The following EDDM13 variants were observed in gnomAD, a reference collection of about 807,000 sequenced individuals.
The protein encoded by EDDM13 is epididymal protein 13.
EDDM13 carries 24 observed loss-of-function variants against 17.8 expected under a neutral mutation model. The observed-to-expected ratio is 1.35, with a 90% CI of 0.98 to 1.90. EDDM13 has a LOEUF of 1.90. EDDM13 is among the 40% of genes most tolerant of loss of function. The probability of loss-of-function intolerance (pLI) is 0.00; values close to 1 mark genes in which losing one functional copy is unlikely to be tolerated. For missense variants in EDDM13, 97 were observed against 100.8 expected, an observed-to-expected ratio of 0.96 and a Z score of 0.16; for synonymous variants, 31 against 37.5, an observed-to-expected ratio of 0.83 and a Z score of 0.63.
At chr19:56,302,890 G>A in intron 13 of EDDM13, 2 of 398,648 alleles carry the variant, frequency 5.0e-6, no homozygotes, top group Non-Finnish European at 8.8e-6. Context: ...GGACTCTGAT[G>A]GTTGAGCTAC....
intron 13 of EDDM13, among the ~76,000 whole-genome samples, chr19:56,302,482 TCCCA>T (rs2040325955): frequency 7.6e-6 from 1 of 132,010 alleles, no homozygotes; most frequent in Non-Finnish European, 1.6e-5. Flanking sequence ...CCTTCTTCCT[TCCCA>T]TCCTTCTTCC....
intron 6 of EDDM13, among the ~76,000 whole-genome samples, 175 bp from the exon 7 acceptor site, chr19:56,288,210 G>A (rs1012166007): frequency 7.2e-5 from 11 of 152,168 alleles, no homozygotes; most frequent in Non-Finnish European, 1.2e-4. Flanking sequence ...CTCCAGCCAC[G>A]TCTTGTACCA....
At chr19:56,301,682 C>T (rs1469338803) in intron 12 of EDDM13, among the ~76,000 whole-genome samples, 1 of 152,106 alleles carries the variant, frequency 6.6e-6, no homozygotes, top group Non-Finnish European at 1.5e-5. Flanking sequence ...GGTTCAAACC[C>T]CTCTGACAGT....
At position 56,301,992 on chromosome 19, in the gene EDDM13, C is replaced by G. The variant is rs1490309559; in HGVS notation, c.320C>G (p.Pro107Arg). 8.1e-7 allele frequency: 1 copy of G among 1,232,002 alleles called. No individual in the cohort carries two copies. Among genetic ancestry groups the G allele is most frequent in the East Asian group, 3.2e-5 (1 of 31,708 alleles). The allele number at this position is 1,232,002 out of a possible 1,614,324, so 76.3% of individuals were successfully genotyped here. A position where few individuals can be genotyped will look rare whatever the true frequency, so the allele number is the denominator to read the frequency against. Residue 107 changes from proline to arginine, a missense_variant, in exon 13 of 15, where the codon CCA becomes CGA. Pro to Arg is a moderately radical substitution (Grantham distance 103, BLOSUM62 -2). Coordinates refer to ENST00000649256, the MANE Select transcript of EDDM13 (RefSeq NM_001354658.2). ...GTTAAACCCTTCTCAGGCACCACCC[C>G]ATCCAGGAAACCACTCCCCAAGAGG... ...EEVKPFSGTT[P>R]SRKPLPKRKN...
intron 13 of EDDM13, among the ~76,000 whole-genome samples, chr19:56,304,441 G>C (rs1034754759): frequency 6.6e-6 from 1 of 152,224 alleles, no homozygotes; most frequent in African/African-American, 2.4e-5. Context: ...AGTGGGCAGA[G>C]GCCAGGGAGG....
chr19:56,288,938 C>T (rs1487241711), intron 8 of EDDM13, among the ~76,000 whole-genome samples, 47 bp downstream of exon 8: 1 of 152,134 alleles, frequency 6.6e-6, no homozygotes, highest in Non-Finnish European at 1.5e-5. Flanking sequence ...TTCTCATAAC[C>T]ACCGCTGGGC....
At chr19:56,300,160 A>G (rs1349484389) in intron 12 of EDDM13, among the ~76,000 whole-genome samples, 3 of 152,240 alleles carry the variant, frequency 2.0e-5, no homozygotes, top group Non-Finnish European at 4.4e-5. Context: ...TAGAAGAGAA[A>G]GAAAATAGTT....
At chr19:56,297,644 G>C in intron 12 of EDDM13, 113 bp downstream of exon 12, 3 of 568,378 alleles carry the variant, frequency 5.3e-6, no homozygotes, top group Non-Finnish European at 4.4e-6. Flanking sequence ...CCCTGCAGGG[G>C]CTTTGGTACC....
chr19:56,308,560 G>A (rs2040846885), intron 14 of EDDM13, among the ~76,000 whole-genome samples: 1 of 151,888 alleles, frequency 6.6e-6, no homozygotes, highest in Admixed American at 6.6e-5. Flanking sequence ...CTGACCTCAG[G>A]TGACCCACCC....
intron 2 of EDDM13, among the ~76,000 whole-genome samples, chr19:56,281,434 G>C (rs1033483677): frequency 2.0e-5 from 3 of 152,190 alleles, no homozygotes; most frequent in Admixed American, 2.0e-4. Context: ...CAAAGTTAAA[G>C]AAGGGTTTCT....
At chr19:56,302,507 TTC>T (rs1157596130) in intron 13 of EDDM13, among the ~76,000 whole-genome samples, 11 of 36,510 alleles carry the variant, frequency 3.0e-4, no homozygotes, top group Middle Eastern at 0.012. Context: ...CTCTCTGCCC[TTC>T]TTTCCTTCCT....
rs77994173 is a variant in EDDM13, at chr19:56,291,915, G to A, written c.232+1069G>A. On this transcript the variant is annotated intron_variant, in intron 9 of 14. Transcript: ENST00000649256. Reference sequence around the variant, plus strand: ...ACAAAGAGCTTTCTAGGTGCCAGGCGCGAGGCACCAGAGCAGCACTTTTCA... The same window carrying A: ...ACAAAGAGCTTTCTAGGTGCCAGGCACGAGGCACCAGAGCAGCACTTTTCA... 2.8e-3 allele frequency among the ~76,000 whole-genome samples: 421 copies of A among 152,284 alleles called. 12 individuals carry two copies. Among genetic ancestry groups the A allele is most frequent in the Admixed American group, 0.019 (298 of 15,296 alleles).
In EDDM13 at chr19:56,308,567, A is replaced by G. The variant is rs535245502; in HGVS notation, c.462-1557A>G. The stretch of plus-strand genomic sequence containing the variant: ...TCGAACTCCTGACCTCAGGTGACCC[A>G]CCCACCTCGGCCTCCCAAAGTGCTG... On this transcript the variant is annotated intron_variant, in intron 14 of 14. Coordinates refer to ENST00000649256, the MANE Select transcript of EDDM13 (RefSeq NM_001354658.2). Among the ~76,000 whole-genome samples the G allele has an allele frequency of 1.9e-3, 284 of 146,554 alleles. 2 individuals carry two copies. The highest frequency in any genetic ancestry group is 3.5e-3 in the Non-Finnish European group (232 of 66,488).
At chr19:56,273,878 T>A (rs2038045631) in intron 1 of EDDM13, among the ~76,000 whole-genome samples, 1 of 152,174 alleles carries the variant, frequency 6.6e-6, no homozygotes, top group Non-Finnish European at 1.5e-5. Context: ...TGTGCATGTA[T>A]GTGTGTTTCT....
chr19:56,273,598 G>C (rs539725642), intron 1 of EDDM13, among the ~76,000 whole-genome samples: 1 of 152,308 alleles, frequency 6.6e-6, no homozygotes, highest in South Asian at 2.1e-4. Context: ...AGTTAGGAGA[G>C]ACTATTCCAG....
intron 2 of EDDM13, among the ~76,000 whole-genome samples, chr19:56,278,620 G>T (rs1269172728): frequency 6.6e-6 from 1 of 152,220 alleles, no homozygotes; most frequent in Non-Finnish European, 1.5e-5. Flanking sequence ...AAATTTCTTA[G>T]GGGAATTAGC....
chr19:56,288,572 C>A (rs2039297446), intron 7 of EDDM13, among the ~76,000 whole-genome samples, 134 bp downstream of exon 7: 1 of 152,192 alleles, frequency 6.6e-6, no homozygotes, highest in East Asian at 1.9e-4. Flanking sequence ...GCTCCCTGAG[C>A]AGCTGGGTCT....
intron 4 of EDDM13, 121 bp from the exon 5 acceptor site, chr19:56,284,077 C>A: frequency 1.5e-6 from 1 of 669,932 alleles, no homozygotes; most frequent in Non-Finnish European, 1.9e-6. Flanking sequence ...CCCCCAGCAT[C>A]TGACCTCGTT....
chr19:56,278,155 T>G (rs2038407923), intron 2 of EDDM13, among the ~76,000 whole-genome samples: 1 of 151,988 alleles, frequency 6.6e-6, no homozygotes, highest in Non-Finnish European at 1.5e-5. Context: ...GTAGTCTTGC[T>G]CTGTCGCCCA....
Sources: allele counts gnomAD v4.1 joint callset (sites outside exome capture counted in the v4.1 genomes callset), GRCh38; gene constraint gnomAD v4.1.1; transcripts MANE v1.5; gene names NCBI Gene and HGNC (gene_info 2026-07-23, HGNC 2026-07-21).